Variants in THSD7B observed in about 807,000 individuals in gnomAD.
THSD7B encodes thrombospondin type-1 domain-containing protein 7B.
In THSD7B, 138 loss-of-function variants were observed where a neutral mutation model predicts 213.6. The observed-to-expected ratio is 0.65, with a 90% CI of 0.56 to 0.74. The LOEUF (loss-of-function observed/expected upper bound fraction) is 0.74. Among genes scored for constraint, THSD7B ranks in the 30% least tolerant of loss-of-function variants. THSD7B has a pLI of 0.00. For synonymous variants in THSD7B, 742 were observed against 687.0 expected (o/e 1.08, Z -1.25); for missense variants, 1,931 against 1,991.5 (o/e 0.97, Z 0.58).
At chr2:137,296,346 C>A (rs958759910) in intron 12 of THSD7B, among the ~76,000 whole-genome samples, 1 of 151,980 alleles carries the variant, frequency 6.6e-6, no homozygotes, top group Non-Finnish European at 1.5e-5. Context: ...TATATGCTAC[C>A]TTTTTAGTTA....
At chr2:137,521,831 A>G (rs1680190400) in intron 15 of THSD7B, among the ~76,000 whole-genome samples, 1 of 152,014 alleles carries the variant, frequency 6.6e-6, no homozygotes, top group Non-Finnish European at 1.5e-5. Context: ...TGTCAGTCAG[A>G]GAATGTCCAC....
intron 15 of THSD7B, among the ~76,000 whole-genome samples, chr2:137,508,470 G>T (rs994693271): frequency 6.9e-6 from 1 of 145,454 alleles, no homozygotes; most frequent in Non-Finnish European, 1.5e-5. Context: ...TCCGCCTCCC[G>T]GGTTCACGCC....
chr2:137,569,083 G>A (rs368310747), intron 16 of THSD7B, among the ~76,000 whole-genome samples: 9 of 152,332 alleles, frequency 5.9e-5, no homozygotes, highest in South Asian at 2.1e-4. Flanking sequence ...AAGGGTGGAA[G>A]ATGTGACTAC....
intron 10 of THSD7B, among the ~76,000 whole-genome samples, chr2:137,256,626 T>C (rs898840955): frequency 6.6e-6 from 1 of 152,204 alleles, no homozygotes; most frequent in Admixed American, 6.5e-5. Flanking sequence ...ACCAAGTTTG[T>C]ATCTTATCTG....
Position 136,993,116 on chromosome 2 carries a change from C to T in THSD7B, c.140-63304C>T, listed in dbSNP as rs74440273. Among the ~76,000 whole-genome samples, 1,007 of 152,256 alleles carry T rather than the reference C, an allele frequency of 6.6e-3. 9 individuals are homozygous for T. The highest frequency in any genetic ancestry group is 0.023 in the African/African-American group (936 of 41,542). ...ATGATTCATAAAGTGGAGAAACAGA[C>T]CATGAAAAACCGAGGATTGTCAGTA... On this transcript the variant is annotated intron_variant, in intron 2 of 27. Coordinates refer to ENST00000409968, the MANE Select transcript of THSD7B (RefSeq NM_001316349.2).
chr2:137,071,663 T>G (rs542619494), intron 3 of THSD7B, among the ~76,000 whole-genome samples: 2 of 152,286 alleles, frequency 1.3e-5, no homozygotes, highest in South Asian at 4.1e-4. Flanking sequence ...ATTGCCTAGG[T>G]TTTAGGTGTT....
At chr2:136,838,946 G>A (rs867103088) in intron 1 of THSD7B, among the ~76,000 whole-genome samples, 21 of 152,160 alleles carry the variant, frequency 1.4e-4, no homozygotes, top group Admixed American at 2.6e-4. Context: ...CTGGAAAGCC[G>A]TGGATGGTGA....
intron 7 of THSD7B, among the ~76,000 whole-genome samples, chr2:137,207,548 C>G (rs1558958593): frequency 6.6e-6 from 1 of 151,930 alleles, no homozygotes; most frequent in Non-Finnish European, 1.5e-5. Flanking sequence ...AAGACCCTAT[C>G]GATAAATCAT....
intron 3 of THSD7B, among the ~76,000 whole-genome samples, chr2:137,081,027 G>A (rs935288209): frequency 1.1e-4 from 17 of 152,130 alleles, no homozygotes; most frequent in African/African-American, 4.1e-4. Context: ...ATGTTACTCT[G>A]TTGCAGCCTT....
At chr2:137,547,191 T>G (rs932535000) in intron 15 of THSD7B, among the ~76,000 whole-genome samples, 1 of 152,058 alleles carries the variant, frequency 6.6e-6, no homozygotes, top group Non-Finnish European at 1.5e-5. Context: ...TCAATTTTGC[T>G]TCTCACTTTT....
chr2:137,339,236 G>T (rs1426297205), intron 12 of THSD7B, among the ~76,000 whole-genome samples: 2 of 151,704 alleles, frequency 1.3e-5, no homozygotes, highest in East Asian at 1.9e-4. Flanking sequence ...AAGCACAACT[G>T]TTTCTGTCAG....
intron 12 of THSD7B, among the ~76,000 whole-genome samples, chr2:137,313,646 G>T (rs1015276143): frequency 1.3e-5 from 2 of 151,892 alleles, no homozygotes; most frequent in Admixed American, 6.6e-5. Flanking sequence ...GGCTGGTACT[G>T]GTTGTTCCTT....
intron 6 of THSD7B, among the ~76,000 whole-genome samples, chr2:137,166,822 C>T (rs1466886162): frequency 6.6e-6 from 1 of 152,126 alleles, no homozygotes; most frequent in East Asian, 1.9e-4. Context: ...ATAGGAAATG[C>T]TAAGAGATAG....
chr2:137,133,723 A>G (rs1688782101), intron 5 of THSD7B, among the ~76,000 whole-genome samples: 1 of 152,218 alleles, frequency 6.6e-6, no homozygotes, highest in Non-Finnish European at 1.5e-5. Context: ...AATAGGTGAA[A>G]TTAATTTTCC....
At chr2:137,530,090 A>G (rs892846126) in intron 15 of THSD7B, among the ~76,000 whole-genome samples, 1 of 151,944 alleles carries the variant, frequency 6.6e-6, no homozygotes, top group African/African-American at 2.4e-5. Flanking sequence ...AGGCCTAATG[A>G]AAAAAATCAG....
At chr2:136,833,464 T>C in intron 1 of THSD7B, among the ~76,000 whole-genome samples, 1 of 148,878 alleles carries the variant, frequency 6.7e-6, no homozygotes, top group East Asian at 2.0e-4. Flanking sequence ...AACTGTTTGG[T>C]ACTTTTAATG....
intron 2 of THSD7B, among the ~76,000 whole-genome samples, chr2:136,896,897 C>G (rs563885517): frequency 6.6e-6 from 1 of 151,840 alleles, no homozygotes; most frequent in Non-Finnish European, 1.5e-5. Flanking sequence ...TTCCATTGAT[C>G]TATAGTCTAT....
intron 17 of THSD7B, among the ~76,000 whole-genome samples, chr2:137,576,515 C>T (rs952305387): frequency 1.3e-5 from 2 of 151,994 alleles, no homozygotes; most frequent in Non-Finnish European, 2.9e-5. Context: ...CTGTGAGAAA[C>T]GATCACAAAG....
intron 2 of THSD7B, among the ~76,000 whole-genome samples, chr2:137,001,761 G>A (rs767910714): frequency 8.6e-5 from 13 of 151,990 alleles, no homozygotes; most frequent in South Asian, 6.2e-4. Context: ...CCACTTTTTC[G>A]AAACCACCTA....
Sources: gnomAD v4.1 joint callset for allele counts (sites outside exome capture counted in the v4.1 genomes callset) on GRCh38, gnomAD v4.1.1 for gene constraint, MANE v1.5 for transcripts, NCBI Gene and HGNC (gene_info 2026-07-23, HGNC 2026-07-21) for gene names.